The following DHRS12 variants were observed in gnomAD, a reference collection of about 807,000 sequenced individuals.
DHRS12 encodes dehydrogenase/reductase SDR family member 12.
A neutral mutation model predicts 32.1 loss-of-function variants in DHRS12; 29 were observed. The observed-to-expected ratio is 0.90, with a 90% CI of 0.67 to 1.23. The LOEUF (loss-of-function observed/expected upper bound fraction) is 1.23. DHRS12 is among the 50% of genes most tolerant of loss of function. The pLI, the probability that DHRS12 is intolerant of heterozygous loss-of-function variation, is 0.00. For missense variants in DHRS12, 330 were observed against 337.2 expected, an observed-to-expected ratio of 0.98 and a Z score of 0.17; for synonymous variants, 150 against 135.9, an observed-to-expected ratio of 1.10 and a Z score of -0.72.
At chr13:51,783,628 A>G (rs1041230116) in intron 4 of DHRS12, among the ~76,000 whole-genome samples, 8 of 152,056 alleles carry the variant, frequency 5.3e-5, no homozygotes, top group Non-Finnish European at 5.9e-5. Flanking sequence ...AGCCACTCAC[A>G]TTCCCTCTGT....
In DHRS12 at chr13:51,771,721, C is replaced by T. The variant is rs555983432; in HGVS notation, c.559+100G>A. 5.2e-5 allele frequency: 75 copies of T among 1,456,014 alleles called. No individual in the cohort carries two copies. In the African/African-American group the frequency reaches 8.9e-4, roughly 17 times the overall value. The allele number at this position is 1,456,014 out of a possible 1,614,324, so 90.2% of individuals were successfully genotyped here. A position where few individuals can be genotyped will look rare whatever the true frequency, so the allele number is the denominator to read the frequency against. Reference sequence around the variant, plus strand: ...TGAAGCTACTCCTCAGTCCTCATTACGCTGGTTTTAGGTCATTCCTGGGGA... The same window carrying T: ...TGAAGCTACTCCTCAGTCCTCATTATGCTGGTTTTAGGTCATTCCTGGGGA... On this transcript the variant is annotated intron_variant, in intron 7 of 8. Coordinates refer to ENST00000444610, the MANE Select transcript of DHRS12 (RefSeq NM_001377533.1).
the DHRS12 span, chr13:51,758,309 C>G: frequency 6.4e-7 from 1 of 1,559,252 alleles, no homozygotes; most frequent in Non-Finnish European, 8.8e-7. Context: ...AGGTAAGATG[C>G]CATCTTATTA....
chr13:51,798,173 G>A (rs1236034386), intron 2 of DHRS12, among the ~76,000 whole-genome samples: 1 of 152,102 alleles, frequency 6.6e-6, no homozygotes, highest in African/African-American at 2.4e-5. Flanking sequence ...ACATTGATCT[G>A]GGTCACATAT....
intron 1 of DHRS12, among the ~76,000 whole-genome samples, chr13:51,802,995 AT>A (rs1271350799): frequency 5.3e-5 from 8 of 152,230 alleles, no homozygotes; most frequent in Non-Finnish European, 1.2e-4. Flanking sequence ...AGATCCAGCA[AT>A]TAATGGTCAT....
chr13:51,797,365 A>C (rs1406343344), intron 2 of DHRS12, among the ~76,000 whole-genome samples: 2 of 152,216 alleles, frequency 1.3e-5, no homozygotes, highest in Non-Finnish European at 2.9e-5. Flanking sequence ...GAACAGAAAG[A>C]CCACAAAATG....
intron 6 of DHRS12, 22 bp from the exon 7 acceptor site, chr13:51,771,933 G>A: frequency 6.2e-7 from 1 of 1,612,848 alleles, no homozygotes; most frequent in African/African-American, 1.3e-5. Flanking sequence ...GGAGCGAGGG[G>A]GTGAACAGGA....
At chr13:51,787,571 C>A (rs578171673) in intron 4 of DHRS12, among the ~76,000 whole-genome samples, 137 of 151,154 alleles carry the variant, frequency 9.1e-4, no homozygotes, top group Admixed American at 1.7e-3. Flanking sequence ...CTGGCTCCTT[C>A]ACTTGACCTT....
At chr13:51,758,073 C>A in the DHRS12 span, 1 of 513,830 alleles carries the variant, frequency 1.9e-6, no homozygotes. Context: ...GAGGAGCATT[C>A]CTGTCAGTGA....
chr13:51,803,832 C>T (rs1955867837), intron 1 of DHRS12: 2 of 366,554 alleles, frequency 5.5e-6, no homozygotes, highest in Non-Finnish European at 4.7e-6. Context: ...GCCCCTCGGG[C>T]GCCAGTCTCG....
intron 7 of DHRS12, among the ~76,000 whole-genome samples, 161 bp from the exon 8 acceptor site, chr13:51,769,454 A>G (rs923148253): frequency 1.3e-5 from 2 of 152,080 alleles, no homozygotes; most frequent in Non-Finnish European, 2.9e-5. Flanking sequence ...AACCAGTTCC[A>G]AAGAACCTTG....
rs751294498 is a variant in DHRS12, at chr13:51,771,304, G to A, written c.559+517C>T. ...GCCCAGGTGAGCTGCCTGAGGTCATGGAGTTGGTGAGGCCAATCCGGAAGA... is the reference window on the plus strand; with the variant it reads ...GCCCAGGTGAGCTGCCTGAGGTCATAGAGTTGGTGAGGCCAATCCGGAAGA... On this transcript the variant is annotated intron_variant, in intron 7 of 8. Transcript: ENST00000444610. The A allele has an allele frequency of 2.4e-5, 37 of 1,570,838 alleles. 1 individual carries two copies. In the South Asian group the frequency reaches 3.9e-4, roughly 17 times the overall value.
At chr13:51,798,045 A>G (rs1955587574) in intron 2 of DHRS12, 1 of 829,082 alleles carries the variant, frequency 1.2e-6, no homozygotes, top group Admixed American at 2.3e-5. Context: ...TCCCAGAGTT[A>G]AGAGCAGCAA....
intron 7 of DHRS12, chr13:51,771,368 C>T: frequency 6.2e-7 from 1 of 1,613,624 alleles, no homozygotes; most frequent in Non-Finnish European, 8.5e-7. Context: ...AACACGCTTC[C>T]AGATCATTCG....
chr13:51,756,699 T>C, the DHRS12 span: 2 of 955,654 alleles, frequency 2.1e-6, no homozygotes, highest in Non-Finnish European at 2.5e-6. Flanking sequence ...AATTTCTAGG[T>C]TATGTGCCTT....
chr13:51,781,552 G>T (rs866938904), intron 4 of DHRS12, among the ~76,000 whole-genome samples: 1 of 152,148 alleles, frequency 6.6e-6, no homozygotes, highest in Admixed American at 6.5e-5. Context: ...GGGGTGGGAC[G>T]GCGGGGGAGG....
the DHRS12 span, chr13:51,755,560 G>T: frequency 1.8e-6 from 2 of 1,133,340 alleles, no homozygotes; most frequent in South Asian, 2.7e-5. Context: ...TTGTGGTGAG[G>T]GTAAATTATT....
the DHRS12 span, chr13:51,760,741 A>G: frequency 1.3e-5 from 2 of 152,278 alleles, no homozygotes; most frequent in South Asian, 4.1e-4. Context: ...TTAGCTTCTC[A>G]TAAGGAGCAC....
In DHRS12 at chr13:51,771,944, G is replaced by A. The variant is rs367838905; in HGVS notation, c.469-33C>T. ...GGAAGGAGCGAGGGGGTGAACAGGA[G>A]AGAGGAGGCGCCATTAGGTGCAAGG... On this transcript the variant is annotated intron_variant, in intron 6 of 8. Coordinates refer to ENST00000444610, the MANE Select transcript of DHRS12 (RefSeq NM_001377533.1). 4 of 1,607,300 alleles carry A rather than the reference G, an allele frequency of 2.5e-6. No homozygotes were observed. The African/African-American group carries it at 4.0e-5, about 16-fold the overall frequency.
downstream of DHRS12, chr13:51,767,597 A>AAATT (rs1030175353): frequency 1.3e-5 from 2 of 153,144 alleles, no homozygotes; most frequent in South Asian, 2.0e-4. Context: ...AAAATGGTGT[A>AAATT]AATTAGAGGT....
Sources: allele counts gnomAD v4.1 joint callset (sites outside exome capture counted in the v4.1 genomes callset), GRCh38; gene constraint gnomAD v4.1.1; transcripts MANE v1.5; gene names NCBI Gene and HGNC (gene_info 2026-07-23, HGNC 2026-07-21).